Variants in EPHA6 observed in about 807,000 individuals in gnomAD.
EPHA6 encodes EPH receptor A6.
EPHA6 carries 50 observed loss-of-function variants against 112.0 expected under a neutral mutation model. That is an observed-to-expected ratio of 0.45 (90% CI 0.36 to 0.56). EPHA6 has a LOEUF of 0.56. Among genes scored for constraint, EPHA6 ranks in the 20% least tolerant of loss-of-function variants. EPHA6 has a pLI of 0.00. For missense variants in EPHA6, 1,280 were observed against 1,417.4 expected, an observed-to-expected ratio of 0.90 and a Z score of 1.56; for synonymous variants, 529 against 490.7, an observed-to-expected ratio of 1.08 and a Z score of -1.03.
chr3:97,408,003 T>A (rs1290653416), intron 6 of EPHA6, among the ~76,000 whole-genome samples: 2 of 152,082 alleles, frequency 1.3e-5, no homozygotes, highest in Non-Finnish European at 2.9e-5. Flanking sequence ...AAGATCAAGG[T>A]GCCAATAGGT....
intron 3 of EPHA6, among the ~76,000 whole-genome samples, chr3:96,994,625 G>C (rs2043334228): frequency 6.6e-6 from 1 of 150,902 alleles, no homozygotes; most frequent in Admixed American, 6.6e-5. Flanking sequence ...CATTAAGGTA[G>C]TGGTACTTGT....
intron 3 of EPHA6, among the ~76,000 whole-genome samples, chr3:97,074,180 A>C (rs994008194): frequency 6.6e-6 from 1 of 151,984 alleles, no homozygotes; most frequent in African/African-American, 2.4e-5. Context: ...ATGGGCATTT[A>C]AATTGTTTCA....
rs71623565 is a variant in EPHA6 at position 97,060,923 on chromosome 3, CAAAAAAAAAA to C, written c.1114+72948_1114+72957del. Among the ~76,000 whole-genome samples the C allele has an allele frequency of 1.3e-3, 27 of 21,244 alleles. 1 individual carries two copies. Among genetic ancestry groups the C allele is most frequent in the Middle Eastern group, 0.036 (1 of 28 alleles). 13.9% of individuals were successfully genotyped at this position (21,244 alleles called of 152,430 possible). On this transcript the variant is annotated intron_variant, in intron 3 of 17. Transcript: ENST00000389672. ...TGGGCGACAGAGCCAGACTCCGTCT[CAAAAAAAAAA>C]AAAAAAAAAAAAAAAAAGTCAGCTA... is the stretch of plus-strand genomic sequence containing the variant.
At chr3:97,447,645 G>A in intron 6 of EPHA6, 1 of 334,760 alleles carries the variant, frequency 3.0e-6, no homozygotes. Context: ...CTCTTACATG[G>A]ACAGGTAAAA....
At chr3:97,056,155 G>A (rs971692103) in intron 3 of EPHA6, among the ~76,000 whole-genome samples, 1 of 152,048 alleles carries the variant, frequency 6.6e-6, no homozygotes, top group African/African-American at 2.4e-5. Context: ...TTCATCTTGT[G>A]ACAGCTGATA....
intron 3 of EPHA6, among the ~76,000 whole-genome samples, chr3:97,195,751 C>G (rs1333344042): frequency 1.3e-5 from 2 of 152,108 alleles, no homozygotes; most frequent in East Asian, 3.9e-4. Context: ...GATATTTTCA[C>G]TAGATATACT....
chr3:97,698,098 G>A (rs543186869), intron 14 of EPHA6, among the ~76,000 whole-genome samples: 3 of 152,254 alleles, frequency 2.0e-5, no homozygotes, highest in Admixed American at 6.5e-5. Flanking sequence ...CGCCTCCCGG[G>A]TTCAAGCAAT....
At chr3:96,820,336 C>A (rs1430225725) in intron 1 of EPHA6, among the ~76,000 whole-genome samples, 26 of 151,876 alleles carry the variant, frequency 1.7e-4, no homozygotes, top group Admixed American at 1.7e-3. Context: ...TTAGTAGCAC[C>A]ATGACTAGTG....
At chr3:96,899,540 A>T (rs1575970039) in intron 2 of EPHA6, among the ~76,000 whole-genome samples, 1 of 152,218 alleles carries the variant, frequency 6.6e-6, no homozygotes, top group Non-Finnish European at 1.5e-5. Flanking sequence ...TTCAATATGA[A>T]GTCATTAATT....
chr3:97,555,192 G>T (rs1205144194), intron 11 of EPHA6, among the ~76,000 whole-genome samples: 3 of 142,068 alleles, frequency 2.1e-5, no homozygotes, highest in African/African-American at 7.8e-5. Context: ...TTGGTTTTTT[G>T]TCCTTGTGAT....
At chr3:97,038,488 T>C (rs2045193019) in intron 3 of EPHA6, among the ~76,000 whole-genome samples, 1 of 152,098 alleles carries the variant, frequency 6.6e-6, no homozygotes, top group Admixed American at 6.6e-5. Context: ...TGACATGATT[T>C]TATGTATTTT....
intron 5 of EPHA6, among the ~76,000 whole-genome samples, chr3:97,319,902 G>A (rs968431474): frequency 6.6e-6 from 1 of 151,912 alleles, no homozygotes; most frequent in African/African-American, 2.4e-5. Flanking sequence ...AACTGTAGGG[G>A]TAGTTTTAGA....
chr3:97,423,266 G>A (rs2088827676), intron 6 of EPHA6, among the ~76,000 whole-genome samples: 1 of 152,060 alleles, frequency 6.6e-6, no homozygotes, highest in Non-Finnish European at 1.5e-5. Context: ...CATAATCTTT[G>A]CCCAAAAGCT....
At chr3:97,098,585 T>C (rs1242055346) in intron 3 of EPHA6, among the ~76,000 whole-genome samples, 2 of 151,936 alleles carry the variant, frequency 1.3e-5, no homozygotes, top group African/African-American at 2.4e-5. Context: ...TGAAATGTTA[T>C]ATTATGTGAT....
chr3:97,098,623 G>A (rs2047314710), intron 3 of EPHA6, among the ~76,000 whole-genome samples: 1 of 151,836 alleles, frequency 6.6e-6, no homozygotes, highest in Non-Finnish European at 1.5e-5. Flanking sequence ...TGATGAAAAA[G>A]TAGTTGAACC....
At chr3:97,123,349 T>A (rs778252802) in intron 3 of EPHA6, among the ~76,000 whole-genome samples, 1 of 152,114 alleles carries the variant, frequency 6.6e-6, no homozygotes, top group Non-Finnish European at 1.5e-5. Context: ...TTGTTCATTG[T>A]ATATTCATAC....
At chr3:97,620,184 A>G (rs78504431) in intron 13 of EPHA6, among the ~76,000 whole-genome samples, 3 of 152,090 alleles carry the variant, frequency 2.0e-5, no homozygotes, top group Admixed American at 6.6e-5. Context: ...TCTTTATTCA[A>G]TAAAGGGTAC....
intron 14 of EPHA6, among the ~76,000 whole-genome samples, chr3:97,667,585 T>A (rs1192258247): frequency 1.3e-5 from 2 of 152,226 alleles, no homozygotes; most frequent in Non-Finnish European, 2.9e-5. Flanking sequence ...ATTTACAATT[T>A]AATTTAAACT....
intron 10 of EPHA6, among the ~76,000 whole-genome samples, chr3:97,526,055 G>A (rs1254213624): frequency 1.3e-5 from 2 of 152,178 alleles, no homozygotes; most frequent in African/African-American, 2.4e-5. Flanking sequence ...CCAAGGCTGA[G>A]ATCTTTAGCC....
Sources: gnomAD v4.1 joint callset for allele counts (sites outside exome capture counted in the v4.1 genomes callset) on GRCh38, gnomAD v4.1.1 for gene constraint, MANE v1.5 for transcripts, NCBI Gene and HGNC (gene_info 2026-07-23, HGNC 2026-07-21) for gene names.